UBE3D: variants seen among roughly 807,000 people sequenced by gnomAD.
UBE3D encodes E3 ubiquitin-protein ligase E3D.
In UBE3D, 48 loss-of-function variants were observed where a neutral mutation model predicts 49.6. The observed-to-expected ratio is 0.97, with a 90% confidence interval of 0.77 to 1.23. The LOEUF is 1.23. Among genes scored for constraint, UBE3D ranks in the 50% most tolerant of loss-of-function variants. UBE3D has a pLI of 0.00. For missense variants in UBE3D, 452 were observed against 468.4 expected (o/e 0.96, Z 0.32); for synonymous variants, 189 against 174.2 (o/e 1.08, Z -0.67).
rs772537110 is a variant in UBE3D at position 82,893,032 on chromosome 6, A to C, written c.1160T>G (p.Leu387Trp). 1 of 1,613,556 alleles carries C rather than the reference A, an allele frequency of 6.2e-7. No individual in the cohort carries two copies. Among genetic ancestry groups the C allele is most frequent in the East Asian group, 2.2e-5 (1 of 44,850 alleles). ...GCCCAGCTCTAATAGTTACATCTTC[A>C]AAAAGGCCACCTGGAGAAGGAAGAA... is the stretch of plus-strand genomic sequence containing the variant. ...RRVNSFQVAF[L>W]KM The change falls in exon 10 of 10, where the codon TTG (leucine) becomes TGG (tryptophan). Residue 387 changes from leucine to tryptophan, a missense_variant. Coordinates refer to ENST00000369747, the MANE Select transcript of UBE3D (RefSeq NM_198920.3).
intron 8 of UBE3D, among the ~76,000 whole-genome samples, chr6:82,986,122 T>G (rs1778473238): frequency 6.6e-6 from 1 of 152,190 alleles, no homozygotes; most frequent in Non-Finnish European, 1.5e-5. Context: ...AACTGACATT[T>G]TAATGATAGT....
chr6:83,004,051 G>C (rs1779805754), intron 8 of UBE3D, among the ~76,000 whole-genome samples: 1 of 152,106 alleles, frequency 6.6e-6, no homozygotes, highest in Admixed American at 6.6e-5. Flanking sequence ...CTTGTTCTAA[G>C]GAGCTAAGGC....
At chr6:83,052,707 G>GT (rs1258214575) in intron 3 of UBE3D, among the ~76,000 whole-genome samples, 3 of 152,074 alleles carry the variant, frequency 2.0e-5, no homozygotes, top group Non-Finnish European at 4.4e-5. Context: ...GGGTGGAGAG[G>GT]TAAATAGAGG....
At chr6:83,034,950 G>A (rs1782140850) in intron 5 of UBE3D, among the ~76,000 whole-genome samples, 1 of 152,082 alleles carries the variant, frequency 6.6e-6, no homozygotes, top group Admixed American at 6.5e-5. Context: ...GGAAGGCTGA[G>A]GCAGGAGGAT....
At chr6:82,945,594 C>A (rs1461238987) in intron 9 of UBE3D, among the ~76,000 whole-genome samples, 1 of 152,098 alleles carries the variant, frequency 6.6e-6, no homozygotes, top group Non-Finnish European at 1.5e-5. Context: ...AATATCCATG[C>A]CCAGATACTG....
chr6:83,027,792 G>A (rs941705795), intron 5 of UBE3D, among the ~76,000 whole-genome samples: 5 of 152,116 alleles, frequency 3.3e-5, no homozygotes, highest in Admixed American at 3.3e-4. Flanking sequence ...TGGGTCCCTT[G>A]AATCTATAGA....
At chr6:83,047,112 CT>C (rs1217397864) in intron 3 of UBE3D, among the ~76,000 whole-genome samples, 1 of 152,128 alleles carries the variant, frequency 6.6e-6, no homozygotes, top group Non-Finnish European at 1.5e-5. Context: ...TGTGAAGCCC[CT>C]GGTTGCGTCT....
intron 9 of UBE3D, among the ~76,000 whole-genome samples, chr6:82,946,782 T>C (rs991512042): frequency 1.2e-4 from 18 of 151,834 alleles, no homozygotes; most frequent in African/African-American, 4.3e-4. Flanking sequence ...AGTTAAAGTG[T>C]AGAGTTTTTA....
intron 3 of UBE3D, among the ~76,000 whole-genome samples, chr6:83,051,456 C>T (rs1441026677): frequency 1.3e-5 from 2 of 152,124 alleles, no homozygotes; most frequent in Non-Finnish European, 2.9e-5. Flanking sequence ...TCCAATGAAA[C>T]ACAAATAACA....
chr6:83,049,656 C>T (rs888477426), intron 3 of UBE3D: 4 of 375,542 alleles, frequency 1.1e-5, no homozygotes, highest in African/African-American at 6.4e-5. Context: ...TGGTTTCCCT[C>T]TAGGGTCTCA....
chr6:83,001,933 A>ATT (rs142073386), intron 8 of UBE3D, among the ~76,000 whole-genome samples: 1 of 150,692 alleles, frequency 6.6e-6, no homozygotes, highest in East Asian at 1.9e-4. Context: ...GTGATTCTTA[A>ATT]TTTTTTTTTT....
intron 8 of UBE3D, chr6:83,017,885 T>C (rs1301489571): frequency 6.6e-6 from 1 of 152,152 alleles, no homozygotes; most frequent in Admixed American, 6.6e-5. Context: ...AAATAATTTA[T>C]AGTACCTCCA....
intron 5 of UBE3D, among the ~76,000 whole-genome samples, chr6:83,025,409 G>A (rs1319921602): frequency 1.3e-5 from 2 of 149,756 alleles, no homozygotes; most frequent in East Asian, 4.0e-4. Context: ...TCTCACTAAC[G>A]ATGAAGAAAA....
chr6:83,024,356 A>T (rs989645822), intron 5 of UBE3D, among the ~76,000 whole-genome samples: 1 of 152,174 alleles, frequency 6.6e-6, no homozygotes, highest in Non-Finnish European at 1.5e-5. Flanking sequence ...GGTTTCCTCA[A>T]TTCTACAGAA....
intron 2 of UBE3D, among the ~76,000 whole-genome samples, chr6:83,056,138 T>G (rs1470686349): frequency 6.6e-6 from 1 of 152,240 alleles, no homozygotes; most frequent in Non-Finnish European, 1.5e-5. Context: ...TAAACAATGT[T>G]TGCAGATTTA....
At chr6:82,891,548 G>A (rs1344229028), downstream of UBE3D, among the ~76,000 whole-genome samples, 1 of 152,148 alleles carries the variant, frequency 6.6e-6, no homozygotes, top group African/African-American at 2.4e-5. Context: ...TTCAAACTGT[G>A]CTTCATAAAA....
chr6:82,977,080 C>G (rs1015878370), intron 8 of UBE3D, among the ~76,000 whole-genome samples: 11 of 119,546 alleles, frequency 9.2e-5, no homozygotes, highest in Admixed American at 5.4e-4. Context: ...TGCCACTGCA[C>G]TCCAGCCTGG....
chr6:83,032,356 T>G (rs1387046547), intron 5 of UBE3D: 2 of 441,454 alleles, frequency 4.5e-6, no homozygotes, highest in Non-Finnish European at 9.1e-6. Flanking sequence ...GCTTTAAGGT[T>G]TGACTACTTT....
At chr6:83,003,326 G>C (rs534789378) in intron 8 of UBE3D, among the ~76,000 whole-genome samples, 34 of 152,100 alleles carry the variant, frequency 2.2e-4, no homozygotes, top group African/African-American at 7.7e-4. Context: ...AAGGAAACCA[G>C]ATTCTCCTCA....
Sources: gnomAD v4.1 joint callset for allele counts (sites outside exome capture counted in the v4.1 genomes callset) on GRCh38, gnomAD v4.1.1 for gene constraint, MANE v1.5 for transcripts, NCBI Gene and HGNC (gene_info 2026-07-23, HGNC 2026-07-21) for gene names.